CATSPER3: variants seen among roughly 807,000 people sequenced by gnomAD.
The protein encoded by CATSPER3 is cation channel sperm-associated protein 3.
Under a neutral mutation model 36.6 loss-of-function variants are expected in CATSPER3, and 23 were observed. That is an observed-to-expected ratio of 0.63 (90% CI 0.45 to 0.89). The LOEUF (loss-of-function observed/expected upper bound fraction) is 0.89, where lower values mean the gene tolerates loss of function less well. Ranked by LOEUF, CATSPER3 falls within the 40% of genes least tolerant of loss-of-function variation. CATSPER3 has a pLI of 0.00. For missense variants in CATSPER3, 474 were observed against 503.9 expected, an observed-to-expected ratio of 0.94 and a Z score of 0.57; for synonymous variants, 172 against 184.1, an observed-to-expected ratio of 0.93 and a Z score of 0.53.
At chr5:134,977,906 G>C (rs1215979803) in intron 2 of CATSPER3, among the ~76,000 whole-genome samples, 1 of 152,144 alleles carries the variant, frequency 6.6e-6, no homozygotes, top group Non-Finnish European at 1.5e-5. Context: ...GTGAGAGAGA[G>C]AGCAAGAGAG....
At chr5:134,972,835 A>C (rs1324123074) in intron 2 of CATSPER3, among the ~76,000 whole-genome samples, 1 of 152,256 alleles carries the variant, frequency 6.6e-6, no homozygotes, top group Non-Finnish European at 1.5e-5. Context: ...AATAAACACC[A>C]AAACATATTC....
At chr5:134,998,538 A>C (rs929229362) in intron 3 of CATSPER3, among the ~76,000 whole-genome samples, 1 of 152,254 alleles carries the variant, frequency 6.6e-6, no homozygotes, top group Non-Finnish European at 1.5e-5. Flanking sequence ...TCCCACCAAC[A>C]GTGTAAAAGT....
intron 6 of CATSPER3, 141 bp downstream of exon 6, chr5:135,009,631 TCCTCCAA>T: frequency 3.5e-5 from 1 of 28,294 alleles, no homozygotes; most frequent in Non-Finnish European, 5.7e-5. Flanking sequence ...ACAGCTGCCT[TCCTCCAA>T]TGTTTTATAG....
chr5:135,000,783 T>C (rs1284893484), intron 3 of CATSPER3, among the ~76,000 whole-genome samples: 1 of 152,214 alleles, frequency 6.6e-6, no homozygotes, highest in East Asian at 1.9e-4. Flanking sequence ...TTATCATTTT[T>C]TATTGTGTCT....
At chr5:134,981,862 G>A (rs1258529981) in intron 2 of CATSPER3, among the ~76,000 whole-genome samples, 1 of 152,190 alleles carries the variant, frequency 6.6e-6, no homozygotes, top group African/African-American at 2.4e-5. Flanking sequence ...AGGTGCGGTG[G>A]CTTCTGCCTG....
intron 2 of CATSPER3, among the ~76,000 whole-genome samples, chr5:134,988,568 A>G (rs747912310): frequency 2.6e-5 from 4 of 152,208 alleles, no homozygotes; most frequent in Non-Finnish European, 4.4e-5. Context: ...TTCCATCTCA[A>G]GGAACCAGTT....
chr5:134,982,886 G>T (rs1293181837), intron 2 of CATSPER3, among the ~76,000 whole-genome samples: 3 of 152,194 alleles, frequency 2.0e-5, no homozygotes, highest in Non-Finnish European at 2.9e-5. Context: ...ATGTTTGAAG[G>T]AGTAGTTTAT....
chr5:134,999,165 T>C (rs542440440), intron 3 of CATSPER3, among the ~76,000 whole-genome samples: 2 of 152,202 alleles, frequency 1.3e-5, no homozygotes, highest in East Asian at 3.9e-4. Context: ...ATTTATTAAA[T>C]AGGGAATCCT....
At chr5:134,980,609 T>G (rs572507144) in intron 2 of CATSPER3, among the ~76,000 whole-genome samples, 1 of 151,954 alleles carries the variant, frequency 6.6e-6, no homozygotes, top group Admixed American at 6.5e-5. Flanking sequence ...TTTTGTATTT[T>G]TAGTAGACAT....
chr5:134,980,488 TG>T (rs1751737860), intron 2 of CATSPER3, among the ~76,000 whole-genome samples: 1 of 149,250 alleles, frequency 6.7e-6, no homozygotes, highest in Non-Finnish European at 1.5e-5. Flanking sequence ...TGGAGTGCTG[TG>T]GTGTGATCTT....
chr5:135,002,256 A>C (rs1472782320), intron 3 of CATSPER3, among the ~76,000 whole-genome samples: 4 of 152,236 alleles, frequency 2.6e-5, no homozygotes, highest in African/African-American at 4.8e-5. Flanking sequence ...TTCTGGGTTG[A>C]AAATTCTTTT....
intron 3 of CATSPER3, among the ~76,000 whole-genome samples, chr5:135,007,622 G>A (rs534350605): frequency 3.3e-5 from 5 of 152,310 alleles, no homozygotes; most frequent in South Asian, 2.1e-4. Flanking sequence ...AAAGCAGGAC[G>A]CCCTGAGATG....
At chr5:134,997,996 A>C (rs1751971614) in intron 3 of CATSPER3, among the ~76,000 whole-genome samples, 1 of 152,130 alleles carries the variant, frequency 6.6e-6, no homozygotes, top group Non-Finnish European at 1.5e-5. Context: ...ATATGTATAC[A>C]TGTGCCATGT....
chr5:134,980,016 CTG>C (rs1751731037), intron 2 of CATSPER3, among the ~76,000 whole-genome samples: 1 of 142,804 alleles, frequency 7.0e-6, no homozygotes, highest in African/African-American at 2.6e-5. Flanking sequence ...AAGTCTTACT[CTG>C]TTGTCTGGGC....
chr5:135,003,132 G>A (rs1752042653), intron 3 of CATSPER3, among the ~76,000 whole-genome samples: 1 of 152,112 alleles, frequency 6.6e-6, no homozygotes, highest in African/African-American at 2.4e-5. Flanking sequence ...TGGGGTTTTG[G>A]TGTGGATGTC....
intron 2 of CATSPER3, among the ~76,000 whole-genome samples, chr5:134,972,428 A>G (rs1035434639): frequency 1.3e-5 from 2 of 152,236 alleles, no homozygotes; most frequent in African/African-American, 4.8e-5. Context: ...TAAGAAAGTG[A>G]TACAAGATAG....
rs140755839 is a variant in CATSPER3 at position 134,971,151 on chromosome 5, G to A, written c.252+1059G>A. 6.8e-3 allele frequency among the ~76,000 whole-genome samples: 1,029 copies of A among 151,942 alleles called. 15 individuals are homozygous for A. The highest frequency in any genetic ancestry group is 0.022 in the African/African-American group (896 of 41,430). ...TGTTTAGTAGAGATGGGGTTTCACCGTGTTAGCCAGGATGGTCTCAATCTC... is the reference window on the plus strand; with the variant it reads ...TGTTTAGTAGAGATGGGGTTTCACCATGTTAGCCAGGATGGTCTCAATCTC... On this transcript the variant is annotated intron_variant, in intron 2 of 7. Coordinates refer to ENST00000282611, the MANE Select transcript of CATSPER3 (RefSeq NM_178019.3).
chr5:134,974,629 CTTCTT>C (rs544889282), intron 2 of CATSPER3, among the ~76,000 whole-genome samples: 62 of 152,184 alleles, frequency 4.1e-4, no homozygotes, highest in African/African-American at 1.3e-3. Flanking sequence ...AAAATATACT[CTTCTT>C]ATCTTTAGGA....
intron 3 of CATSPER3, among the ~76,000 whole-genome samples, chr5:135,005,557 G>A (rs1752075581): frequency 6.6e-6 from 1 of 152,216 alleles, no homozygotes; most frequent in Non-Finnish European, 1.5e-5. Context: ...ACCTGCCCAT[G>A]GTCGGGACTT....
Sources: gnomAD v4.1 joint callset for allele counts (sites outside exome capture counted in the v4.1 genomes callset) on GRCh38, gnomAD v4.1.1 for gene constraint, MANE v1.5 for transcripts, NCBI Gene and HGNC (gene_info 2026-07-23, HGNC 2026-07-21) for gene names.